PROM2: variants seen among roughly 807,000 people sequenced by gnomAD.
PROM2 encodes the protein prominin 2, also known as prominin-2.
A neutral mutation model predicts 110.2 loss-of-function variants in PROM2; 90 were observed. That is an observed-to-expected ratio of 0.82 (90% CI 0.69 to 0.97). The LOEUF (loss-of-function observed/expected upper bound fraction) is 0.97. PROM2 is among the 50% of genes least tolerant of loss of function. PROM2 has a pLI of 0.00. For missense variants in PROM2, 1,009 were observed against 1,074.8 expected, an observed-to-expected ratio of 0.94 and a Z score of 0.86; for synonymous variants, 470 against 467.8, an observed-to-expected ratio of 1.00 and a Z score of -0.06.
In PROM2 at chr2:95,275,352, T is replaced by C; in HGVS notation, c.245-109T>C. ...GCCTTCTGCGAGGGTGCCATGGTGG[T>C]GGCAGGAGCCCTGCCTCAGAGCCAC... On this transcript the variant is annotated intron_variant, in intron 1 of 23. Transcript: ENST00000317620. This position sits in a 1 kb window ranked among gnomAD's most constrained non-coding sequence, Gnocchi z 4.4. 9.9e-7 allele frequency: 1 copy of C among 1,013,966 alleles called. No homozygotes were observed. The highest frequency in any genetic ancestry group is 1.5e-6 in the Non-Finnish European group (1 of 676,186). The allele number at this position is 1,013,966 out of a possible 1,614,324, so 62.8% of individuals were successfully genotyped here.
chr2:95,284,346 CCAGGTGTGGTTTCTTG>C (rs1214638646), intron 14 of PROM2, among the ~76,000 whole-genome samples: 1 of 151,948 alleles, frequency 6.6e-6, no homozygotes, highest in African/African-American at 2.4e-5. Context: ...TTTTTAAAAG[CCAGGTGTGGTTTCTTG>C]CACCTGTAGT....
In PROM2 at chr2:95,289,022, C is replaced by A; in HGVS notation, c.*10+16C>A. On this transcript the variant is annotated intron_variant, in intron 23 of 23. Transcript: ENST00000317620. ...GGCCTTGTGGGTGAGTTTTCCCCAA[C>A]TCGCTTAATTGCTCCCTGCCAGGGA... The A allele has an allele frequency of 6.3e-7, 1 of 1,599,654 alleles. No homozygotes were observed. Among genetic ancestry groups the A allele is most frequent in the Non-Finnish European group, 8.6e-7 (1 of 1,166,988 alleles).
Position 95,288,966 on chromosome 2 carries a change from C to T in PROM2, c.2475C>T (p.His825=), listed in dbSNP as rs769804912. The change falls in exon 23 of 24, where the codon CAC becomes CAT. Residue 825 remains histidine, a synonymous_variant. Transcript: ENST00000317620. The part of the protein sequence containing the change: ...STSSEETQLF[H]IPRVTSLKL ...GCTCTGAGGAGACTCAGCTCTTCCACATCCCCCGGGTTACCTCCCTGAAGC... is the reference window on the plus strand; with the variant it reads ...GCTCTGAGGAGACTCAGCTCTTCCATATCCCCCGGGTTACCTCCCTGAAGC... 5.6e-6 allele frequency: 9 copies of T among 1,613,930 alleles called. No homozygotes were observed. The highest frequency in any genetic ancestry group is 3.3e-5 in the Admixed American group (2 of 60,006).
intron 21 of PROM2, 79 bp downstream of exon 21, chr2:95,288,379 G>C: frequency 6.3e-7 from 1 of 1,590,944 alleles, no homozygotes; most frequent in Non-Finnish European, 8.6e-7. Flanking sequence ...GGGTGAGCAG[G>C]GTGTGAAGCC....
rs1434106841 is a variant in PROM2 at position 95,287,026 on chromosome 2, T to C, written c.2095-107T>C. 4 of 1,298,386 alleles carry C rather than the reference T, an allele frequency of 3.1e-6. No individual in the cohort carries two copies. In the African/African-American group the frequency reaches 5.8e-5, roughly 19 times the overall value. 80.4% of individuals were successfully genotyped at this position (1,298,386 alleles called of 1,614,324 possible). On this transcript the variant is annotated intron_variant, in intron 18 of 23. Transcript: ENST00000317620. ...CTGGGGGATCACCACCCTTGGCTTG[T>C]CTGTTGGAGCTGAACCCTCTCCTGC...
At chr2:95,278,104 G>T in intron 8 of PROM2, 100 bp downstream of exon 8, 2 of 1,003,760 alleles carry the variant, frequency 2.0e-6, no homozygotes, top group South Asian at 1.4e-5. Flanking sequence ...TAATATTTGG[G>T]GTCCCACCCA....
intron 22 of PROM2, 56 bp from the exon 23 acceptor site, chr2:95,288,877 C>G: frequency 6.5e-7 from 1 of 1,546,316 alleles, no homozygotes; most frequent in Non-Finnish European, 8.9e-7. Context: ...GTCCCTGTGT[C>G]AGGGCTGAGG....
rs903639821 is a variant in PROM2, at chr2:95,286,638, G to C, written c.2040+67G>C. The C allele has an allele frequency of 3.5e-6, 5 of 1,441,794 alleles. No homozygotes were observed. The African/African-American group carries it at 7.0e-5, about 20-fold the overall frequency. 89.3% of individuals were successfully genotyped at this position (1,441,794 alleles called of 1,614,324 possible). On this transcript the variant is annotated intron_variant, in intron 17 of 23. Transcript: ENST00000317620. ...GAGACGTGGAGAGGGGACAGTGAAAGGGGAGGGAAGTTCTGAGAGTCCCTT... is the reference window on the plus strand; with the variant it reads ...GAGACGTGGAGAGGGGACAGTGAAACGGGAGGGAAGTTCTGAGAGTCCCTT...
In PROM2 at chr2:95,286,812, C is replaced by A; in HGVS notation, c.2049C>A (p.Leu683=). Residue 683 remains leucine, a synonymous_variant, in exon 18 of 24, where the codon CTC becomes CTA. Transcript: ENST00000317620. ...VVPQQSLVAK[L]NLSVRALESS... The stretch of plus-strand genomic sequence containing the variant: ...TGATCTCTTCTCCACAGGCAAAGCT[C>A]AACCTCAGCGTCAGGGCCCTGGAGT... The A allele has an allele frequency of 6.2e-7, 1 of 1,613,672 alleles. No individual in the cohort carries two copies. Among genetic ancestry groups the A allele is most frequent in the Non-Finnish European group, 8.5e-7 (1 of 1,179,924 alleles).
rs1199828097 is a variant in PROM2, at chr2:95,279,446, G to A, written c.1274+302G>A. Among the ~76,000 whole-genome samples the A allele has an allele frequency of 4.6e-5, 7 of 152,096 alleles. No homozygotes were observed. The East Asian group carries it at 9.7e-4, about 21-fold the overall frequency. On this transcript the variant is annotated intron_variant, in intron 10 of 23. Coordinates refer to ENST00000317620, the MANE Select transcript of PROM2 (RefSeq NM_001165978.3). ...CAAGTAGCTGGGACTACAGGCGTGCGCCACCACGCCCAGCTAATTTTTGCA... is the reference window on the plus strand; with the variant it reads ...CAAGTAGCTGGGACTACAGGCGTGCACCACCACGCCCAGCTAATTTTTGCA...
chr2:95,285,031 G>A lies in PROM2; in HGVS notation c.1791G>A (p.Leu597=), dbSNP rs1170702619. 1.9e-6 allele frequency: 3 copies of A among 1,601,742 alleles called. No individual in the cohort carries two copies. The highest frequency in any genetic ancestry group is 2.6e-6 in the Non-Finnish European group (3 of 1,173,774). The change falls in exon 15 of 24, where the codon CTG becomes CTA. Residue 597 remains leucine, a synonymous_variant. Transcript: ENST00000317620. ...AAGTAGACACACAGAGCCTGGACCT[G>A]CTGAGCTCAGCCGCCCGCCGGGACC... ...SLKVDTQSLD[L]LSSAARRDLE... is the part of the protein sequence containing the mutation.
In PROM2 at chr2:95,281,677, T is replaced by TC. The variant is rs1171074917; in HGVS notation, c.1552-248_1552-247insC. 1.6e-4 allele frequency among the ~76,000 whole-genome samples: 25 copies of TC among 152,242 alleles called. 1 individual carries two copies. Among genetic ancestry groups the TC allele is most frequent in the African/African-American group, 5.8e-4 (24 of 41,562 alleles). ...GACCCTGGTGCCCGGTGAGCTGCGA[T>TC]GCTGGACTGGGTTCTCTGCAGAAGA... is the stretch of plus-strand genomic sequence containing the variant. On this transcript the variant is annotated intron_variant, in intron 12 of 23. Transcript: ENST00000317620.
At position 95,276,390 on chromosome 2, in the gene PROM2, C is replaced by T; in HGVS notation, c.618+43C>T. On this transcript the variant is annotated intron_variant, in intron 4 of 23. Coordinates refer to ENST00000317620, the MANE Select transcript of PROM2 (RefSeq NM_001165978.3). This position sits in a 1 kb window ranked among gnomAD's most constrained non-coding sequence, Gnocchi z 4.6. ...TCACCCTCATGTGCCCCTGTGAGCA[C>T]TGGGCCCGGGCAGGACAGAGCCGAG... The T allele has an allele frequency of 6.2e-7, 1 of 1,607,722 alleles. No individual in the cohort carries two copies. The highest frequency in any genetic ancestry group is 1.7e-5 in the Admixed American group (1 of 59,742).
rs200799418 is a variant in PROM2 at position 95,278,827 on chromosome 2, C to T, written c.1114+43C>T. 4.0e-5 allele frequency: 64 copies of T among 1,612,352 alleles called. No homozygotes were observed. The African/African-American group carries it at 6.5e-4, about 16-fold the overall frequency. ...AGAGGCAGCTGCCAGGCATGGCTTC[C>T]CACCCCACCCCTACCAGGGAGGCTT... On this transcript the variant is annotated intron_variant, in intron 9 of 23. Transcript: ENST00000317620.
intron 22 of PROM2, 32 bp from the exon 23 acceptor site, chr2:95,288,901 G>C: frequency 1.2e-6 from 2 of 1,604,112 alleles, no homozygotes; most frequent in Non-Finnish European, 1.7e-6. Flanking sequence ...TGGGGGGAAG[G>C]GTATGCTCAC....
chr2:95,279,226 T>C (rs1172919421), intron 10 of PROM2, 82 bp downstream of exon 10: 2 of 1,136,200 alleles, frequency 1.8e-6, no homozygotes, highest in Non-Finnish European at 2.4e-6. Context: ...CTGAGCCCCA[T>C]TCCCAGCCTC....
At chr2:95,284,318 G>C (rs1003006676) in intron 14 of PROM2, among the ~76,000 whole-genome samples, 7 of 152,164 alleles carry the variant, frequency 4.6e-5, no homozygotes, top group Admixed American at 2.0e-4. Context: ...AACATGGGGA[G>C]ACCCTCCTCT....
At chr2:95,279,240 C>T in intron 10 of PROM2, 96 bp downstream of exon 10, 1 of 951,738 alleles carries the variant, frequency 1.1e-6, no homozygotes, top group African/African-American at 1.7e-5. Flanking sequence ...CAGCCTCTAT[C>T]AGCCCCTGAC....
chr2:95,275,659 T>C lies in PROM2; in HGVS notation c.294+149T>C. 1 of 1,356,904 alleles carries C rather than the reference T, an allele frequency of 7.4e-7. No homozygotes were observed. Among genetic ancestry groups the C allele is most frequent in the Non-Finnish European group, 9.9e-7 (1 of 1,009,976 alleles). 84.1% of individuals were successfully genotyped at this position (1,356,904 alleles called of 1,614,324 possible). On this transcript the variant is annotated intron_variant, in intron 2 of 23. Coordinates refer to ENST00000317620, the MANE Select transcript of PROM2 (RefSeq NM_001165978.3). The surrounding 1 kb of genome is among the most constrained non-coding windows in gnomAD (Gnocchi z 4.4). Reference sequence around the variant, plus strand: ...ATCCTCTCCCCTCCTCTGTGGGCGCTGCAGTCCGTAGACCTGGGTGCAAAC... The same window carrying C: ...ATCCTCTCCCCTCCTCTGTGGGCGCCGCAGTCCGTAGACCTGGGTGCAAAC...
Sources: allele counts gnomAD v4.1 joint callset (sites outside exome capture counted in the v4.1 genomes callset), GRCh38; gene constraint gnomAD v4.1.1; non-coding constraint Gnocchi (gnomAD v3.1); transcripts MANE v1.5; gene names NCBI Gene and HGNC (gene_info 2026-07-23, HGNC 2026-07-21).